IRF2: variants seen among roughly 807,000 people sequenced by gnomAD.
The protein encoded by IRF2 is interferon regulatory factor 2.
A neutral mutation model predicts 40.6 loss-of-function variants in IRF2; 15 were observed. The observed-to-expected ratio is 0.37, with a 90% CI of 0.25 to 0.57. The LOEUF is 0.57. Ranked by LOEUF, IRF2 falls within the 20% of genes least tolerant of loss-of-function variation. The pLI is 0.77. For synonymous variants in IRF2, 151 were observed against 165.5 expected (o/e 0.91, Z 0.67); for missense variants, 317 against 455.7 (o/e 0.70, Z 2.77).
chr4:184,401,396 T>G (rs1736661279), intron 6 of IRF2, among the ~76,000 whole-genome samples: 1 of 152,090 alleles, frequency 6.6e-6, no homozygotes. Flanking sequence ...GGGGCTGTGA[T>G]ACAAGAGTCC....
chr4:184,471,252 AATT>A (rs1012585840), intron 1 of IRF2, among the ~76,000 whole-genome samples: 18 of 152,200 alleles, frequency 1.2e-4, no homozygotes, highest in Admixed American at 3.3e-4. Context: ...TATAGTTAAA[AATT>A]ATTATTATCC....
At chr4:184,430,851 C>T (rs1349081992) in intron 1 of IRF2, among the ~76,000 whole-genome samples, 2 of 152,098 alleles carry the variant, frequency 1.3e-5, no homozygotes, top group Non-Finnish European at 2.9e-5. Context: ...TGAGCCACCA[C>T]GCCCAGCTAT....
intron 1 of IRF2, among the ~76,000 whole-genome samples, chr4:184,465,385 A>G (rs369784791): frequency 1.3e-5 from 2 of 152,304 alleles, no homozygotes. Context: ...GAGGGCAGAG[A>G]TGACATATTA....
At chr4:184,414,979 A>T (rs902387310) in intron 5 of IRF2, among the ~76,000 whole-genome samples, 2 of 152,234 alleles carry the variant, frequency 1.3e-5, no homozygotes, top group African/African-American at 4.8e-5. Flanking sequence ...GTGTTTTGAT[A>T]CACAATTAAA....
At chr4:184,411,773 T>C (rs1043010459) in intron 5 of IRF2, among the ~76,000 whole-genome samples, 1 of 151,866 alleles carries the variant, frequency 6.6e-6, no homozygotes, top group Admixed American at 6.5e-5. Context: ...AACACAGAGA[T>C]CCTGCAGGCC....
intron 1 of IRF2, among the ~76,000 whole-genome samples, chr4:184,438,774 A>G (rs1443172146): frequency 2.0e-5 from 3 of 152,236 alleles, no homozygotes; most frequent in Non-Finnish European, 2.9e-5. Context: ...GCTAAGAGGT[A>G]GAAATAAAAT....
chr4:184,395,750 A>C (rs2149891939), intron 7 of IRF2, among the ~76,000 whole-genome samples: 1 of 152,342 alleles, frequency 6.6e-6, no homozygotes, highest in South Asian at 2.1e-4. Context: ...CAACGGAAAG[A>C]ACCAAAGGCC....
intron 1 of IRF2, among the ~76,000 whole-genome samples, chr4:184,465,718 G>A (rs758553293): frequency 3.3e-5 from 5 of 152,138 alleles, no homozygotes; most frequent in Admixed American, 2.0e-4. Context: ...TGGATGTGCC[G>A]TAATTCGTTC....
Position 184,419,571 on chromosome 4 carries a change from G to GAAAAAAAAAAAAAAAAAAAAAA in IRF2, c.88-4_88-3insTTTTTTTTTTTTTTTTTTTTTT. ...GGGATCTGAAAAATCTTCTTTTCCTGAAAAAAAAAAAAAAAAAAAAGGTAA... is the reference window on the plus strand; with the variant it reads ...GGGATCTGAAAAATCTTCTTTTCCTGAAAAAAAAAAAAAAAAAAAAAAAAAAAAAAAAAAAAAAAAAAGGTAA... On this transcript the variant is annotated splice_polypyrimidine_tract_variant and splice_region_variant and intron_variant, in intron 2 of 8. Coordinates refer to ENST00000393593, the MANE Select transcript of IRF2 (RefSeq NM_002199.4). 1.1e-6 allele frequency: 1 copy of GAAAAAAAAAAAAAAAAAAAAAA among 911,526 alleles called. No individual in the cohort carries two copies. The highest frequency in any genetic ancestry group is 2.0e-5 in the African/African-American group (1 of 50,046). 56.5% of individuals were successfully genotyped at this position (911,526 alleles called of 1,614,324 possible).
Position 184,408,506 on chromosome 4 carries a change from G to T in IRF2, c.412-231C>A, listed in dbSNP as rs114292173. ...CATTTTCCTTCAAGGAAACGGTACC[G>T]GCCCATCTGGCTTGCCTTTAGGAAA... On this transcript the variant is annotated intron_variant, in intron 5 of 8. Coordinates refer to ENST00000393593, the MANE Select transcript of IRF2 (RefSeq NM_002199.4). The surrounding 1 kb of genome is among the most constrained non-coding windows in gnomAD (Gnocchi z 4.9). Among the ~76,000 whole-genome samples the T allele has an allele frequency of 6.6e-6, 1 of 152,148 alleles. No individual in the cohort carries two copies. The highest frequency in any genetic ancestry group is 1.5e-5 in the Non-Finnish European group (1 of 68,020).
intron 1 of IRF2, among the ~76,000 whole-genome samples, chr4:184,455,765 T>G (rs1738902005): frequency 6.6e-6 from 1 of 151,780 alleles, no homozygotes; most frequent in African/African-American, 2.4e-5. Flanking sequence ...TAAAAAAAAA[T>G]TTTACTATTT....
At chr4:184,433,194 T>A (rs3756096) in intron 1 of IRF2, among the ~76,000 whole-genome samples, 1 of 152,156 alleles carries the variant, frequency 6.6e-6, no homozygotes, top group African/African-American at 2.4e-5. Flanking sequence ...TGTGAAATCC[T>A]GAAATCCAGC....
intron 1 of IRF2, among the ~76,000 whole-genome samples, chr4:184,444,767 T>G (rs1344142985): frequency 6.6e-6 from 1 of 152,228 alleles, no homozygotes; most frequent in East Asian, 1.9e-4. Flanking sequence ...CTTGCAACAG[T>G]GCACAATTTA....
intron 1 of IRF2, among the ~76,000 whole-genome samples, chr4:184,451,900 T>C (rs948284168): frequency 6.6e-6 from 1 of 152,054 alleles, no homozygotes; most frequent in Non-Finnish European, 1.5e-5. Context: ...TAAACAGGGA[T>C]GGAACAAGAA....
intron 6 of IRF2, chr4:184,407,109 G>T (rs551117608): frequency 8.1e-5 from 81 of 995,678 alleles, no homozygotes; most frequent in Non-Finnish European, 1.1e-4. Flanking sequence ...CAGTCAGACA[G>T]AATGTCCGCA....
intron 6 of IRF2, among the ~76,000 whole-genome samples, chr4:184,402,332 T>G (rs115616604): frequency 6.6e-6 from 1 of 152,274 alleles, no homozygotes; most frequent in Non-Finnish European, 1.5e-5. Context: ...CCCTGACTTC[T>G]GGAGCCCCTT....
chr4:184,408,496 A>G lies in IRF2; in HGVS notation c.412-221T>C, dbSNP rs757496723. On this transcript the variant is annotated intron_variant, in intron 5 of 8. Coordinates refer to ENST00000393593, the MANE Select transcript of IRF2 (RefSeq NM_002199.4). The surrounding 1 kb of genome is among the most constrained non-coding windows in gnomAD (Gnocchi z 4.9). ...CAGCTCCTTCCATTTTCCTTCAAGG[A>G]AACGGTACCGGCCCATCTGGCTTGC... 2.0e-5 allele frequency among the ~76,000 whole-genome samples: 3 copies of G among 152,190 alleles called. No homozygotes were observed. Among genetic ancestry groups the G allele is most frequent in the Non-Finnish European group, 2.9e-5 (2 of 68,028 alleles).
At chr4:184,462,612 G>A (rs965933289) in intron 1 of IRF2, among the ~76,000 whole-genome samples, 1 of 152,118 alleles carries the variant, frequency 6.6e-6, no homozygotes, top group African/African-American at 2.4e-5. Context: ...ACCAAATATA[G>A]CTTATTTATC....
At chr4:184,429,119 T>G in intron 1 of IRF2, 49 bp from the exon 2 acceptor site, 1 of 1,430,298 alleles carries the variant, frequency 7.0e-7, no homozygotes, top group Non-Finnish European at 9.8e-7. Flanking sequence ...CTCAGTGTGG[T>G]GTCTGCACTG....
Sources: allele counts gnomAD v4.1 joint callset (sites outside exome capture counted in the v4.1 genomes callset), GRCh38; gene constraint gnomAD v4.1.1; non-coding constraint Gnocchi (gnomAD v3.1); transcripts MANE v1.5; gene names NCBI Gene and HGNC (gene_info 2026-07-23, HGNC 2026-07-21).